Variants in COL9A3 observed in about 807,000 individuals in gnomAD.
COL9A3 encodes collagen type IX alpha 3 chain, also known as collagen alpha-3(IX) chain.
COL9A3 carries 82 observed loss-of-function variants against 110.2 expected under a neutral mutation model. That is an observed-to-expected ratio of 0.74 (90% confidence interval 0.62 to 0.89). The LOEUF (loss-of-function observed/expected upper bound fraction) is 0.89. Among genes scored for constraint, COL9A3 ranks in the 40% least tolerant of loss-of-function variants. The pLI is 0.00. For missense variants in COL9A3, 1,066 were observed against 981.3 expected (o/e 1.09, Z -1.15); for synonymous variants, 494 against 403.8 (o/e 1.22, Z -2.68).
At chr20:62,832,868 C>T (rs1407115165) in intron 25 of COL9A3, 152 bp from the exon 26 acceptor site, 11 of 710,442 alleles carry the variant, frequency 1.5e-5, no homozygotes, top group Middle Eastern at 2.6e-4. Context: ...GTGTTTGGAG[C>T]GGGTTAAAAG....
chr20:62,817,447 C>T, intron 1 of COL9A3, 120 bp from the exon 2 acceptor site: 1 of 718,378 alleles, frequency 1.4e-6, no homozygotes, highest in Non-Finnish European at 2.3e-6. Flanking sequence ...GGCTTTGGGT[C>T]TCACCGAGGA....
rs118034546 is a variant in COL9A3, at chr20:62,820,676, G to A, written c.310-505G>A. ...CGTGGTGCCCAGGGGTGTGGGGTGGGCTGGTCCCCAGGCTTTCAGGAGGGG... is the reference window on the plus strand; with the variant it reads ...CGTGGTGCCCAGGGGTGTGGGGTGGACTGGTCCCCAGGCTTTCAGGAGGGG... On this transcript the variant is annotated intron_variant, in intron 5 of 31. Coordinates refer to ENST00000649368, the MANE Select transcript of COL9A3 (RefSeq NM_001853.4). 9.3e-3 allele frequency among the ~76,000 whole-genome samples: 1,415 copies of A among 152,288 alleles called. 85 individuals carry two copies. The East Asian group carries it at 0.17, about 18-fold the overall frequency.
At chr20:62,824,298 C>T (rs868135681) in intron 10 of COL9A3, 147 bp from the exon 11 acceptor site, 1 of 800,258 alleles carries the variant, frequency 1.2e-6, no homozygotes. Context: ...GAGTGGCCTC[C>T]TGGGGTCCTG....
intron 8 of COL9A3, 133 bp from the exon 9 acceptor site, chr20:62,821,971 CCTCAGGA>C: frequency 1.3e-6 from 1 of 768,560 alleles, no homozygotes; most frequent in Non-Finnish European, 2.3e-6. Flanking sequence ...CCAGACCCGA[CCTCAGGA>C]CGCAGACACC....
chr20:62,833,317 T>G (rs940825026), intron 26 of COL9A3, among the ~76,000 whole-genome samples: 7 of 152,230 alleles, frequency 4.6e-5, no homozygotes, highest in African/African-American at 1.7e-4. Context: ...CTCAGACGTG[T>G]GGGCTCCCGC....
chr20:62,823,198 C>T (rs552745085), intron 10 of COL9A3, among the ~76,000 whole-genome samples: 102 of 152,264 alleles, frequency 6.7e-4, no homozygotes, highest in Non-Finnish European at 1.3e-3. Flanking sequence ...AGTAGCCAGA[C>T]GTGGTGGCGT....
rs2063631754 is a variant in COL9A3, at chr20:62,835,972, T to A, written c.1401+19T>A. ...AGGAGAGGTGAGTGCCCGGCGACTG[T>A]TCCGATGACACCATCCATGGGCGCC... is the stretch of plus-strand genomic sequence containing the variant. On this transcript the variant is annotated intron_variant, in intron 27 of 31. Transcript: ENST00000649368. 1 of 1,613,974 alleles carries A rather than the reference T, an allele frequency of 6.2e-7. No homozygotes were observed. Among genetic ancestry groups the A allele is most frequent in the African/African-American group, 1.3e-5 (1 of 74,934 alleles).
Position 62,830,341 on chromosome 20 carries a change from C to T in COL9A3, c.1162-19C>T. Reference sequence around the variant, plus strand: ...TCGAACCCTGAGACATCCGCTCACACCTCACCTTTGTCTTCCAGGGGGCCC... The same window carrying T: ...TCGAACCCTGAGACATCCGCTCACATCTCACCTTTGTCTTCCAGGGGGCCC... On this transcript the variant is annotated intron_variant, in intron 22 of 31. Coordinates refer to ENST00000649368, the MANE Select transcript of COL9A3 (RefSeq NM_001853.4). The T allele has an allele frequency of 6.4e-7, 1 of 1,565,636 alleles. No individual in the cohort carries two copies. The highest frequency in any genetic ancestry group is 8.7e-7 in the Non-Finnish European group (1 of 1,154,690).
chr20:62,816,577 C>T (rs190671369), upstream of COL9A3, among the ~76,000 whole-genome samples: 2 of 152,286 alleles, frequency 1.3e-5, no homozygotes, highest in African/African-American at 4.8e-5. Flanking sequence ...GGGCACTGAC[C>T]GGGCCCTGGT....
rs11906954 is a variant in COL9A3 at position 62,838,542 on chromosome 20, G to A, written c.1787-142G>A. 0.018 allele frequency: 14,689 copies of A among 811,352 alleles called. 960 individuals are homozygous for A. The highest frequency in any genetic ancestry group is 0.17 in the African/African-American group (10,267 of 59,010). 50.3% of individuals were successfully genotyped at this position (811,352 alleles called of 1,614,324 possible). A position where few individuals can be genotyped will look rare whatever the true frequency, so the allele number is the denominator to read the frequency against. ...CGTCGGACCCCGTCAAGCCCTACGCGTGTGACATCTGTACTTTTCTAAATG... is the reference window on the plus strand; with the variant it reads ...CGTCGGACCCCGTCAAGCCCTACGCATGTGACATCTGTACTTTTCTAAATG... On this transcript the variant is annotated intron_variant, in intron 30 of 31. Transcript: ENST00000649368.
intron 14 of COL9A3, 45 bp downstream of exon 14, chr20:62,826,302 G>C: frequency 1.3e-6 from 2 of 1,522,990 alleles, no homozygotes; most frequent in Non-Finnish European, 8.9e-7. Flanking sequence ...GTGGCTGGGG[G>C]CCTGGTTGTC....
chr20:62,831,969 G>T lies in COL9A3; in HGVS notation c.1288-185G>T. The T allele has an allele frequency of 2.9e-6, 2 of 687,504 alleles. 1 individual carries two copies. Among genetic ancestry groups the T allele is most frequent in the South Asian group, 3.2e-5 (2 of 62,476 alleles). 42.6% of individuals were successfully genotyped at this position (687,504 alleles called of 1,614,324 possible). On this transcript the variant is annotated intron_variant, in intron 24 of 31. Transcript: ENST00000649368. ...CAAGGGGAGGCTGGACAGAGCCATC[G>T]GGCCCAGAGGCTGTGAACGTGAGCT... is the stretch of plus-strand genomic sequence containing the variant.
At chr20:62,829,563 G>C in intron 20 of COL9A3, 64 bp downstream of exon 20, 1 of 1,611,220 alleles carries the variant, frequency 6.2e-7, no homozygotes, top group Non-Finnish European at 8.5e-7. Context: ...CAAGGGGCTG[G>C]GGGGCCAGCG....
chr20:62,825,126 C>CGGTG (rs2063541614), intron 12 of COL9A3, 105 bp downstream of exon 12: 2 of 50,558 alleles, frequency 4.0e-5, no homozygotes, highest in African/African-American at 9.8e-5. Context: ...TGGGCTCCGG[C>CGGTG]GGGAGGGAGG....
intron 2 of COL9A3, chr20:62,817,902 G>A (rs1488910326): frequency 1.7e-6 from 1 of 595,590 alleles, no homozygotes; most frequent in East Asian, 3.4e-5. Context: ...AGGGGCCCGT[G>A]CCCCTGTGTT....
intron 17 of COL9A3, 43 bp downstream of exon 17, chr20:62,828,019 C>T (rs747897666): frequency 6.2e-7 from 1 of 1,605,822 alleles, no homozygotes; most frequent in South Asian, 1.1e-5. Flanking sequence ...TCCCCCGGGT[C>T]CTGGGTATGT....
chr20:62,826,682 G>A, intron 14 of COL9A3, 85 bp from the exon 15 acceptor site: 1 of 1,478,020 alleles, frequency 6.8e-7, no homozygotes, highest in South Asian at 1.2e-5. Flanking sequence ...GGCTGCTTGT[G>A]TCTGGGCCGC....
In COL9A3 at chr20:62,827,177, C is replaced by T. The variant is rs529290367; in HGVS notation, c.793-64C>T. 2.2e-5 allele frequency: 34 copies of T among 1,576,938 alleles called. No homozygotes were observed. The South Asian group carries it at 2.7e-4, about 12-fold the overall frequency. On this transcript the variant is annotated intron_variant, in intron 15 of 31. Coordinates refer to ENST00000649368, the MANE Select transcript of COL9A3 (RefSeq NM_001853.4). ...CCCCGCCCGGGCCTGGAGGGGCCCC[C>T]GTCCTACTCTCCGACCAACTCCATG...
intron 31 of COL9A3, among the ~76,000 whole-genome samples, chr20:62,839,150 G>A (rs550218628): frequency 1.3e-4 from 20 of 152,136 alleles, no homozygotes; most frequent in South Asian, 4.2e-4. Context: ...GCTTGAACCC[G>A]GGAGGCGGAG....
Sources: gnomAD v4.1 joint callset for allele counts (sites outside exome capture counted in the v4.1 genomes callset) on GRCh38, gnomAD v4.1.1 for gene constraint, MANE v1.5 for transcripts, NCBI Gene and HGNC (gene_info 2026-07-23, HGNC 2026-07-21) for gene names.